Variants in PTPRG observed in about 807,000 individuals in gnomAD.
The protein encoded by PTPRG is protein tyrosine phosphatase receptor type G, also known as receptor-type tyrosine-protein phosphatase gamma.
Under a neutral mutation model 165.3 loss-of-function variants are expected in PTPRG, and 102 were observed. That is an observed-to-expected ratio of 0.62 (90% CI 0.53 to 0.73). The LOEUF (loss-of-function observed/expected upper bound fraction) is 0.73. Ranked by LOEUF, PTPRG falls within the 30% of genes least tolerant of loss-of-function variation. The pLI, the probability that PTPRG is intolerant of heterozygous loss-of-function variation, is 0.00. For missense variants in PTPRG, 1,866 were observed against 1,861.4 expected (o/e 1.00, Z -0.05); for synonymous variants, 675 against 669.5 (o/e 1.01, Z -0.13).
chr3:61,857,682 T>A (rs1164214892), intron 2 of PTPRG, among the ~76,000 whole-genome samples: 3 of 152,256 alleles, frequency 2.0e-5, no homozygotes, highest in Non-Finnish European at 4.4e-5. Flanking sequence ...TTACTAATCC[T>A]GCAAAGACTA....
intron 2 of PTPRG, among the ~76,000 whole-genome samples, chr3:61,920,815 G>T (rs533828495): frequency 6.6e-6 from 1 of 152,284 alleles, no homozygotes; most frequent in Admixed American, 6.5e-5. Context: ...TTAAATGTAT[G>T]TGATTTTTAA....
chr3:62,127,304 G>A (rs1348904095), intron 5 of PTPRG, among the ~76,000 whole-genome samples: 2 of 152,228 alleles, frequency 1.3e-5, no homozygotes, highest in East Asian at 3.9e-4. Flanking sequence ...CAGAATGAAA[G>A]AAGCTACAGC....
chr3:61,840,412 G>C (rs1039349578), intron 2 of PTPRG, among the ~76,000 whole-genome samples: 4 of 152,162 alleles, frequency 2.6e-5, no homozygotes, highest in Admixed American at 1.3e-4. Context: ...GTTGAATTAT[G>C]ATTTGGGCAA....
intron 2 of PTPRG, among the ~76,000 whole-genome samples, chr3:61,797,460 G>GA (rs1390558560): frequency 3.3e-5 from 5 of 151,908 alleles, no homozygotes; most frequent in South Asian, 2.1e-4. Context: ...TAATAACTAA[G>GA]AAAAAAATGT....
At chr3:61,596,174 T>G (rs1388029926) in intron 1 of PTPRG, among the ~76,000 whole-genome samples, 1 of 152,216 alleles carries the variant, frequency 6.6e-6, no homozygotes, top group African/African-American at 2.4e-5. Context: ...ATCTTTGAAA[T>G]GCTTAGGTTA....
chr3:62,115,099 AAT>A (rs1046517673), intron 5 of PTPRG, among the ~76,000 whole-genome samples: 6 of 152,312 alleles, frequency 3.9e-5, no homozygotes, highest in Non-Finnish European at 2.9e-5. Context: ...TCATCAGAAA[AAT>A]AGAGATTTTC....
At chr3:62,054,131 T>C (rs890123433) in intron 4 of PTPRG, among the ~76,000 whole-genome samples, 2 of 152,160 alleles carry the variant, frequency 1.3e-5, no homozygotes, top group African/African-American at 4.8e-5. Flanking sequence ...TGTCTATTTG[T>C]GACCAACAAT....
intron 6 of PTPRG, among the ~76,000 whole-genome samples, chr3:62,144,046 A>G (rs1171773838): frequency 6.6e-6 from 1 of 152,204 alleles, no homozygotes; most frequent in Admixed American, 6.5e-5. Context: ...GCTTTTGTAA[A>G]TAAAGTTTCA....
intron 2 of PTPRG, among the ~76,000 whole-genome samples, chr3:61,926,609 CTCCTTCCT>C (rs1190200426): frequency 7.4e-5 from 7 of 94,844 alleles, no homozygotes; most frequent in Non-Finnish European, 1.4e-4. Context: ...CCCTCCCTCC[CTCCTTCCT>C]TCCTTCCTTC....
At chr3:62,259,496 G>A (rs1252843139) in intron 16 of PTPRG, among the ~76,000 whole-genome samples, 1 of 152,220 alleles carries the variant, frequency 6.6e-6, no homozygotes, top group African/African-American at 2.4e-5. Context: ...CCTGTGGCCT[G>A]TGGGCCATGG....
At chr3:61,628,551 C>G in intron 1 of PTPRG, among the ~76,000 whole-genome samples, 1 of 152,178 alleles carries the variant, frequency 6.6e-6, no homozygotes, top group East Asian at 1.9e-4. Flanking sequence ...CCAGGCTGGT[C>G]TTGAACTTCT....
intron 1 of PTPRG, among the ~76,000 whole-genome samples, chr3:61,597,698 G>C (rs1417732983): frequency 6.6e-6 from 1 of 152,092 alleles, no homozygotes; most frequent in African/African-American, 2.4e-5. Context: ...TATTAAAATG[G>C]ATAAATCTGC....
At chr3:62,185,877 G>T (rs781121370) in intron 8 of PTPRG, among the ~76,000 whole-genome samples, 1 of 152,146 alleles carries the variant, frequency 6.6e-6, no homozygotes, top group Non-Finnish European at 1.5e-5. Flanking sequence ...TTACAGATGC[G>T]GACACAGGAT....
At chr3:61,982,671 C>T (rs1487334023) in intron 2 of PTPRG, among the ~76,000 whole-genome samples, 1 of 152,086 alleles carries the variant, frequency 6.6e-6, no homozygotes, top group Non-Finnish European at 1.5e-5. Context: ...GCCATCTTTA[C>T]TCTTTTTAAT....
At chr3:62,103,295 A>AGG (rs1702356892) in intron 5 of PTPRG, among the ~76,000 whole-genome samples, 1 of 115,646 alleles carries the variant, frequency 8.6e-6, no homozygotes, top group African/African-American at 3.7e-5. Context: ...TGAAGGTCTT[A>AGG]ATAAAATATT....
chr3:62,128,594 CTAAACTT>C (rs1703400764), intron 5 of PTPRG, among the ~76,000 whole-genome samples: 1 of 151,518 alleles, frequency 6.6e-6, no homozygotes, highest in Non-Finnish European at 1.5e-5. Context: ...GCATTATACT[CTAAACTT>C]TAAACGTTTA....
intron 3 of PTPRG, among the ~76,000 whole-genome samples, chr3:61,991,292 A>G (rs1055435525): frequency 1.1e-4 from 17 of 152,078 alleles, no homozygotes; most frequent in Admixed American, 8.5e-4. Flanking sequence ...TGCAACCTCC[A>G]CCTCCTAGGT....
At chr3:62,119,258 G>T (rs1013959802) in intron 5 of PTPRG, among the ~76,000 whole-genome samples, 5 of 152,230 alleles carry the variant, frequency 3.3e-5, no homozygotes, top group Non-Finnish European at 5.9e-5. Context: ...GCTGTACCCT[G>T]AGCTTTAGGA....
chr3:61,864,253 T>G lies in PTPRG; in HGVS notation c.190+115271T>G, dbSNP rs192368527. 2.0e-5 allele frequency among the ~76,000 whole-genome samples: 3 copies of G among 152,288 alleles called. No individual in the cohort carries two copies. In the East Asian group the frequency reaches 5.8e-4, roughly 29 times the overall value. Reference sequence around the variant, plus strand: ...CCTGCTGTATAAGTAGAACCTTTTGTATCATTTTACCCTTATTTACCCAGG... The same window carrying G: ...CCTGCTGTATAAGTAGAACCTTTTGGATCATTTTACCCTTATTTACCCAGG... On this transcript the variant is annotated intron_variant, in intron 2 of 29. Transcript: ENST00000474889.
Sources: gnomAD v4.1 joint callset for allele counts (sites outside exome capture counted in the v4.1 genomes callset) on GRCh38, gnomAD v4.1.1 for gene constraint, MANE v1.5 for transcripts, NCBI Gene and HGNC (gene_info 2026-07-23, HGNC 2026-07-21) for gene names.